RTL9: variants seen among roughly 807,000 people sequenced by gnomAD.
RTL9 encodes the protein retrotransposon Gag-like protein 9.
RTL9 carries 19 observed loss-of-function variants against 44.7 expected under a neutral mutation model. The ratio of observed to expected loss-of-function variants is 0.42; its 90% CI spans 0.30 to 0.62. The LOEUF is 0.62. Among genes scored for constraint, RTL9 ranks in the 20% least tolerant of loss-of-function variants. The pLI is 0.16. For missense variants in RTL9, 1,105 were observed against 1,080.6 expected, an observed-to-expected ratio of 1.02 and a Z score of -0.32; for synonymous variants, 407 against 398.9, an observed-to-expected ratio of 1.02 and a Z score of -0.24.
chrX:110,454,017 C>T (rs1465985748), exon 1 of RTL9: 7 of 1,210,501 alleles, frequency 5.8e-6, no homozygotes, highest in Non-Finnish European at 7.8e-6. Context: ...TGCGAAACCA[C>T]CACCAAAGGA....
intron 1 of RTL9, among the ~76,000 whole-genome samples, chrX:110,409,841 T>C (rs1822915282): frequency 9.0e-6 from 1 of 111,129 alleles, no homozygotes; most frequent in Non-Finnish European, 1.9e-5. Flanking sequence ...GGTACATAAG[T>C]ACAGAGGGAG....
At chrX:110,375,831 T>C (rs939897702) in intron 1 of RTL9, among the ~76,000 whole-genome samples, 4 of 112,004 alleles carry the variant, frequency 3.6e-5, no homozygotes, top group African/African-American at 1.3e-4. Context: ...GTATAAGACA[T>C]TTTGAGTGAG....
intron 1 of RTL9, among the ~76,000 whole-genome samples, chrX:110,404,972 C>T (rs952528673): frequency 9.0e-6 from 1 of 110,980 alleles, no homozygotes; most frequent in Non-Finnish European, 1.9e-5. Flanking sequence ...TGTCATTTCT[C>T]CTAATAGCCT....
At chrX:110,369,641 C>G in intron 1 of RTL9, among the ~76,000 whole-genome samples, 1 of 111,522 alleles carries the variant, frequency 9.0e-6, no homozygotes, top group South Asian at 3.9e-4. Flanking sequence ...CCCTCTGCCC[C>G]CAGCCACCAA....
chrX:110,416,340 G>A (rs942360883), upstream of RTL9, among the ~76,000 whole-genome samples: 4 of 112,072 alleles, frequency 3.6e-5, no homozygotes, highest in African/African-American at 9.7e-5. Flanking sequence ...TTGATTTAAC[G>A]AACCGTTGTT....
At chrX:110,437,006 C>G (rs1010315340) in intron 1 of RTL9, among the ~76,000 whole-genome samples, 3 of 112,364 alleles carry the variant, frequency 2.7e-5, no homozygotes, top group South Asian at 3.7e-4. Flanking sequence ...CATTTCGCCT[C>G]TAGGAGGTGG....
chrX:110,434,829 C>G (rs2068824740), intron 1 of RTL9, among the ~76,000 whole-genome samples: 1 of 110,370 alleles, frequency 9.1e-6, no homozygotes, highest in Non-Finnish European at 1.9e-5. Flanking sequence ...GGTTTCTCCT[C>G]TCCCATTTTA....
chrX:110,436,059 C>T (rs745987746), intron 1 of RTL9, among the ~76,000 whole-genome samples: 1 of 112,808 alleles, frequency 8.9e-6, no homozygotes, highest in African/African-American at 3.2e-5. Flanking sequence ...ATAGCCCCAA[C>T]TAGCTCAAAA....
chrX:110,438,366 G>C (rs2068854500), intron 1 of RTL9, among the ~76,000 whole-genome samples: 1 of 111,758 alleles, frequency 8.9e-6, no homozygotes, highest in South Asian at 3.8e-4. Context: ...AATGCCACAA[G>C]GTGGACATAA....
At chrX:110,370,927 A>G (rs1343031786) in intron 1 of RTL9, among the ~76,000 whole-genome samples, 1 of 111,974 alleles carries the variant, frequency 8.9e-6, no homozygotes, top group African/African-American at 3.3e-5. Context: ...CACTCTATCA[A>G]TTCACTTTTG....
At chrX:110,439,881 G>C (rs1441069591) in intron 1 of RTL9, 1 of 110,626 alleles carries the variant, frequency 9.0e-6, no homozygotes, top group Non-Finnish European at 1.9e-5. Flanking sequence ...GAGTAAGCCG[G>C]GTACTTACAG....
At chrX:110,419,938 C>T (rs2068705096) in intron 1 of RTL9, among the ~76,000 whole-genome samples, 2 of 112,176 alleles carry the variant, frequency 1.8e-5, no homozygotes, top group African/African-American at 6.5e-5. Flanking sequence ...CTCATCATAA[C>T]CCAATGACGT....
chrX:110,364,373 G>A (rs2068283350), intron 1 of RTL9, among the ~76,000 whole-genome samples: 1 of 111,140 alleles, frequency 9.0e-6, no homozygotes, highest in Non-Finnish European at 1.9e-5. Flanking sequence ...AACTTTTGGG[G>A]GCGGTGACAC....
chrX:110,445,895 T>C (rs1027476449), upstream of RTL9, among the ~76,000 whole-genome samples: 1 of 111,393 alleles, frequency 9.0e-6, no homozygotes, highest in Admixed American at 9.5e-5. Flanking sequence ...GCCTCTCTTC[T>C]CTGTGTTCCT....
exon 1 of RTL9, chrX:110,451,361 T>C (rs775659587): frequency 3.6e-5 from 44 of 1,210,365 alleles, no homozygotes; most frequent in Non-Finnish European, 4.7e-5. Flanking sequence ...TGCTAATGAC[T>C]GCTCTAGCCT....
intron 1 of RTL9, among the ~76,000 whole-genome samples, chrX:110,387,318 C>T (rs980341996): frequency 2.7e-5 from 3 of 112,224 alleles, no homozygotes; most frequent in African/African-American, 9.7e-5. Flanking sequence ...GGCTTACAGA[C>T]ACGTTTGGTT....
chrX:110,406,981 A>T (rs1018303367), intron 1 of RTL9, among the ~76,000 whole-genome samples: 2 of 111,755 alleles, frequency 1.8e-5, no homozygotes, highest in African/African-American at 6.5e-5. Flanking sequence ...ATCTCTGCAC[A>T]GGAGCTGAAT....
intron 1 of RTL9, among the ~76,000 whole-genome samples, chrX:110,362,532 C>T (rs2068270860): frequency 8.9e-6 from 1 of 112,143 alleles, no homozygotes; most frequent in Admixed American, 9.5e-5. Flanking sequence ...TGAAGTACTC[C>T]CAGAAGCTGG....
At chrX:110,361,956 G>A (rs1465665795) in intron 1 of RTL9, among the ~76,000 whole-genome samples, 3 of 111,594 alleles carry the variant, frequency 2.7e-5, no homozygotes, top group Non-Finnish European at 3.8e-5. Flanking sequence ...AACAGGGAGC[G>A]GGCTAGATTT....
Sources: allele counts gnomAD v4.1 joint callset (sites outside exome capture counted in the v4.1 genomes callset), GRCh38; gene constraint gnomAD v4.1.1; transcripts MANE v1.5; gene names NCBI Gene and HGNC (gene_info 2026-07-23, HGNC 2026-07-21).